Variants in CDK14 observed in about 807,000 individuals in gnomAD.
The protein encoded by CDK14 is cyclin dependent kinase 14.
A neutral mutation model predicts 60.7 loss-of-function variants in CDK14; 34 were observed. The observed-to-expected ratio is 0.56, with a 90% CI of 0.43 to 0.75. The LOEUF is 0.75. CDK14 is among the 30% of genes least tolerant of loss of function. CDK14 has a pLI of 0.00. For missense variants in CDK14, 482 were observed against 564.1 expected, an observed-to-expected ratio of 0.85 and a Z score of 1.47; for synonymous variants, 197 against 203.7, an observed-to-expected ratio of 0.97 and a Z score of 0.28.
At position 90,726,827 on chromosome 7, in the gene CDK14, T is replaced by G. The variant is rs1259224141; in HGVS notation, c.369+15T>G. 1 of 1,612,490 alleles carries G rather than the reference T, an allele frequency of 6.2e-7. No homozygotes were observed. The highest frequency in any genetic ancestry group is 1.7e-5 in the Admixed American group (1 of 59,844). On this transcript the variant is annotated intron_variant, in intron 3 of 14. Coordinates refer to ENST00000380050, the MANE Select transcript of CDK14 (RefSeq NM_001287135.2). ...GCCCCAGCTCGGTAAGTGCAGTCTT[T>G]TTGTTTATCACTGGGTAAACAGAAG...
At chr7:90,789,567 T>A (rs928638668) in intron 4 of CDK14, among the ~76,000 whole-genome samples, 1 of 152,126 alleles carries the variant, frequency 6.6e-6, no homozygotes, top group African/African-American at 2.4e-5. Flanking sequence ...ATAGTGTTTA[T>A]ATTGTATTAG....
chr7:90,886,106 G>T (rs1418284264), intron 6 of CDK14, among the ~76,000 whole-genome samples: 2 of 152,080 alleles, frequency 1.3e-5, no homozygotes, highest in Non-Finnish European at 2.9e-5. Context: ...TATTTTAACA[G>T]ATTTTATTAA....
chr7:90,787,478 A>G (rs1805643115), intron 4 of CDK14, among the ~76,000 whole-genome samples: 1 of 152,218 alleles, frequency 6.6e-6, no homozygotes, highest in South Asian at 2.1e-4. Context: ...AAATGTTGGT[A>G]TTTTTGAAAT....
intron 9 of CDK14, among the ~76,000 whole-genome samples, chr7:90,976,169 A>G (rs1231836440): frequency 6.6e-6 from 1 of 152,134 alleles, no homozygotes. Context: ...CCTTTTCTCC[A>G]CATCCTTGCC....
intron 11 of CDK14, among the ~76,000 whole-genome samples, chr7:91,054,679 T>A (rs1278172974): frequency 2.0e-5 from 3 of 152,166 alleles, no homozygotes; most frequent in Non-Finnish European, 4.4e-5. Flanking sequence ...GGATTCCTGT[T>A]GAGTGCTTAC....
At chr7:91,154,768 A>G (rs1800934928) in intron 14 of CDK14, among the ~76,000 whole-genome samples, 2 of 152,188 alleles carry the variant, frequency 1.3e-5, no homozygotes, top group African/African-American at 2.4e-5. Flanking sequence ...TAGTATTATT[A>G]TGGCAGTAAT....
chr7:90,638,644 G>A (rs1413806103), intron 2 of CDK14, among the ~76,000 whole-genome samples: 5 of 152,044 alleles, frequency 3.3e-5, no homozygotes, highest in Admixed American at 6.6e-5. Flanking sequence ...TCTTTGTGGC[G>A]TTCTCTGTAT....
intron 10 of CDK14, among the ~76,000 whole-genome samples, chr7:91,003,967 C>T (rs573731220): frequency 5.9e-5 from 9 of 152,190 alleles, no homozygotes; most frequent in Middle Eastern, 6.8e-3. Flanking sequence ...AGCCAGATTC[C>T]CCTAAACACA....
intron 2 of CDK14, among the ~76,000 whole-genome samples, chr7:90,665,597 G>A (rs1291945810): frequency 2.0e-5 from 3 of 152,196 alleles, no homozygotes; most frequent in African/African-American, 7.2e-5. Flanking sequence ...TTTAAGTAAT[G>A]AGGGGAAGTT....
intron 11 of CDK14, among the ~76,000 whole-genome samples, chr7:91,046,888 A>C (rs1206118948): frequency 6.6e-6 from 1 of 152,136 alleles, no homozygotes; most frequent in Non-Finnish European, 1.5e-5. Context: ...ATCAGGAATA[A>C]ATTATCAGTT....
intron 5 of CDK14, among the ~76,000 whole-genome samples, chr7:90,814,643 G>A (rs563669171): frequency 2.6e-4 from 39 of 152,104 alleles, no homozygotes; most frequent in Non-Finnish European, 4.3e-4. Context: ...TTAGCCAGGC[G>A]TGGTGGCTCA....
At chr7:90,599,710 T>C (rs1799273061) in intron 1 of CDK14, among the ~76,000 whole-genome samples, 2 of 152,210 alleles carry the variant, frequency 1.3e-5, no homozygotes, top group Non-Finnish European at 2.9e-5. Flanking sequence ...TGCAACATAT[T>C]CATTCTCTTT....
chr7:90,992,286 A>G (rs1274122268), intron 10 of CDK14, among the ~76,000 whole-genome samples: 2 of 152,232 alleles, frequency 1.3e-5, no homozygotes, highest in African/African-American at 4.8e-5. Flanking sequence ...CACATAGTGA[A>G]AAAACTTTTT....
intron 14 of CDK14, among the ~76,000 whole-genome samples, chr7:91,183,870 G>A (rs1802083504): frequency 6.6e-6 from 1 of 152,136 alleles, no homozygotes; most frequent in Non-Finnish European, 1.5e-5. Context: ...CCTGGCCTAT[G>A]CCAAGCACAG....
At chr7:90,613,432 G>A (rs1227669888) in intron 2 of CDK14, among the ~76,000 whole-genome samples, 1 of 152,060 alleles carries the variant, frequency 6.6e-6, no homozygotes, top group Non-Finnish European at 1.5e-5. Flanking sequence ...CTTTGGGCCG[G>A]GCCTGGTGGC....
Position 90,603,119 on chromosome 7 carries a change from C to T in CDK14, c.92-1099C>T, listed in dbSNP as rs1055288501. Reference sequence around the variant, plus strand: ...AAATCATGTATAAAGCAGCAAACACCTATGCATTGTTCCGTAAATTTGAAA... The same window carrying T: ...AAATCATGTATAAAGCAGCAAACACTTATGCATTGTTCCGTAAATTTGAAA... On this transcript the variant is annotated intron_variant, in intron 1 of 14. Coordinates refer to ENST00000380050, the MANE Select transcript of CDK14 (RefSeq NM_001287135.2). Among the ~76,000 whole-genome samples the T allele has an allele frequency of 2.0e-5, 3 of 152,154 alleles. No individual in the cohort carries two copies. In the South Asian group the frequency reaches 6.2e-4, roughly 32 times the overall value.
At chr7:90,903,359 A>C (rs543997207) in intron 7 of CDK14, among the ~76,000 whole-genome samples, 79 of 152,318 alleles carry the variant, frequency 5.2e-4, no homozygotes, top group Middle Eastern at 3.4e-3. Flanking sequence ...CAGTACATAC[A>C]TACAATGGAA....
At chr7:90,826,430 G>A (rs775126560) in intron 5 of CDK14, among the ~76,000 whole-genome samples, 23 of 152,026 alleles carry the variant, frequency 1.5e-4, no homozygotes, top group Non-Finnish European at 2.5e-4. Flanking sequence ...CGTTGTCCAG[G>A]CTGGTCTTGA....
chr7:90,826,774 C>T (rs1183791265), intron 5 of CDK14, among the ~76,000 whole-genome samples: 2 of 151,968 alleles, frequency 1.3e-5, no homozygotes, highest in African/African-American at 4.8e-5. Context: ...CCAGAGATCC[C>T]ATATACTTCT....
Sources: gnomAD v4.1 joint callset for allele counts (sites outside exome capture counted in the v4.1 genomes callset) on GRCh38, gnomAD v4.1.1 for gene constraint, MANE v1.5 for transcripts, NCBI Gene and HGNC (gene_info 2026-07-23, HGNC 2026-07-21) for gene names.